Variants in CSGALNACT1 observed in about 807,000 individuals in gnomAD.
CSGALNACT1 encodes beta4GalNAcT-1.
Under a neutral mutation model 51.0 loss-of-function variants are expected in CSGALNACT1, and 52 were observed. That is an observed-to-expected ratio of 1.02 (90% CI 0.82 to 1.29). The LOEUF is 1.29. Ranked by LOEUF, CSGALNACT1 falls within the 50% of genes most tolerant of loss-of-function variation. The pLI, the probability that CSGALNACT1 is intolerant of heterozygous loss-of-function variation, is 0.00. For synonymous variants in CSGALNACT1, 341 were observed against 254.4 expected, an observed-to-expected ratio of 1.34 and a Z score of -3.24; for missense variants, 935 against 679.2, an observed-to-expected ratio of 1.38 and a Z score of -4.19.
In CSGALNACT1 at chr8:19,558,184, T is replaced by A. The variant is rs192293332; in HGVS notation, c.-297+32976A>T. Among the ~76,000 whole-genome samples, 6 of 152,340 alleles carry A rather than the reference T, an allele frequency of 3.9e-5. No individual in the cohort carries two copies. The East Asian group carries it at 9.6e-4, about 24-fold the overall frequency. ...TACCATTTGATGAATGTTTATCATG[T>A]TTACTACAAGTGTTATTAACAGCTC... On this transcript the variant is annotated intron_variant, in intron 3 of 9. Coordinates refer to ENST00000454498, the Ensembl canonical transcript of CSGALNACT1.
chr8:19,498,161 T>C (rs1054473394), intron 4 of CSGALNACT1, among the ~76,000 whole-genome samples: 1 of 152,150 alleles, frequency 6.6e-6, no homozygotes, highest in African/African-American at 2.4e-5. Flanking sequence ...AATTGTGGGT[T>C]CACAATTCAG....
chr8:19,639,327 T>C (rs1437537490), intron 1 of CSGALNACT1, among the ~76,000 whole-genome samples: 1 of 152,164 alleles, frequency 6.6e-6, no homozygotes, highest in Non-Finnish European at 1.5e-5. Flanking sequence ...CATCATGGGG[T>C]CTGGGGGAAA....
chr8:19,648,782 C>A (rs995293348), intron 1 of CSGALNACT1, among the ~76,000 whole-genome samples: 3 of 152,104 alleles, frequency 2.0e-5, no homozygotes, highest in Non-Finnish European at 2.9e-5. Flanking sequence ...CTCCAGCCTG[C>A]GTGACAGAGT....
At chr8:19,652,916 C>T (rs1175635431) in intron 1 of CSGALNACT1, among the ~76,000 whole-genome samples, 1 of 152,038 alleles carries the variant, frequency 6.6e-6, no homozygotes, top group African/African-American at 2.4e-5. Context: ...TGTGGCCTTC[C>T]AGCTTTCCTT....
chr8:19,691,574 C>G (rs2061324696), intron 1 of CSGALNACT1, among the ~76,000 whole-genome samples: 1 of 152,190 alleles, frequency 6.6e-6, no homozygotes, highest in Admixed American at 6.5e-5. Context: ...AGTCCTGCAG[C>G]TCCACAGCCC....
intron 3 of CSGALNACT1, among the ~76,000 whole-genome samples, chr8:19,560,908 A>G (rs1351019218): frequency 6.6e-6 from 1 of 152,242 alleles, no homozygotes; most frequent in African/African-American, 2.4e-5. Context: ...TAAGGTGGAT[A>G]AACACACTCA....
At chr8:19,702,657 C>G (rs1340467250) in intron 1 of CSGALNACT1, among the ~76,000 whole-genome samples, 1 of 152,174 alleles carries the variant, frequency 6.6e-6, no homozygotes, top group Non-Finnish European at 1.5e-5. Context: ...ACCTGGAATG[C>G]TCCATCTCAG....
At chr8:19,713,384 G>T (rs1461277768) in intron 1 of CSGALNACT1, among the ~76,000 whole-genome samples, 3 of 152,190 alleles carry the variant, frequency 2.0e-5, no homozygotes, top group African/African-American at 7.2e-5. Flanking sequence ...GAAGAAAATT[G>T]TATAAAGAGG....
intron 3 of CSGALNACT1, among the ~76,000 whole-genome samples, chr8:19,556,991 A>AG (rs1166374874): frequency 3.3e-5 from 5 of 152,136 alleles, no homozygotes; most frequent in Admixed American, 6.5e-5. Flanking sequence ...CAAAAAAAAA[A>AG]AAAAAAGTCT....
intron 1 of CSGALNACT1, among the ~76,000 whole-genome samples, chr8:19,623,363 T>C (rs2054066515): frequency 6.6e-6 from 1 of 152,186 alleles, no homozygotes; most frequent in Non-Finnish European, 1.5e-5. Flanking sequence ...GGAAAAACAA[T>C]CTGTGAAGAT....
chr8:19,581,449 C>T (rs1283887998), intron 3 of CSGALNACT1, among the ~76,000 whole-genome samples: 3 of 152,164 alleles, frequency 2.0e-5, no homozygotes, highest in Non-Finnish European at 4.4e-5. Context: ...AATTGTGCAA[C>T]ATATTAATTG....
upstream of CSGALNACT1, among the ~76,000 whole-genome samples, chr8:19,684,091 G>C (rs57151575): frequency 0.043 from 6,609 of 152,214 alleles, 492 homozygotes; most frequent in African/African-American, 0.15. Flanking sequence ...GTATGAGCCT[G>C]GGAGGCGGAG....
chr8:19,623,823 A>C (rs2054124432), intron 1 of CSGALNACT1, among the ~76,000 whole-genome samples: 1 of 152,238 alleles, frequency 6.6e-6, no homozygotes, highest in Non-Finnish European at 1.5e-5. Context: ...TCATCTATTC[A>C]CTGAAAGTGG....
chr8:19,436,576 T>G (rs1350272720), intron 6 of CSGALNACT1, among the ~76,000 whole-genome samples: 1 of 152,198 alleles, frequency 6.6e-6, no homozygotes, highest in Non-Finnish European at 1.5e-5. Context: ...AATTTAAAAA[T>G]GTTTAAATAA....
chr8:19,434,409 C>G (rs1349186468), intron 6 of CSGALNACT1, among the ~76,000 whole-genome samples: 1 of 152,148 alleles, frequency 6.6e-6, no homozygotes, highest in Non-Finnish European at 1.5e-5. Context: ...ACCACATTTG[C>G]TTTTTTTCTC....
intron 1 of CSGALNACT1, among the ~76,000 whole-genome samples, chr8:19,734,587 T>C (rs1328472482): frequency 6.6e-6 from 1 of 152,204 alleles, no homozygotes; most frequent in Non-Finnish European, 1.5e-5. Context: ...CCACTAAATT[T>C]AACTTGTCTG....
intron 3 of CSGALNACT1, among the ~76,000 whole-genome samples, chr8:19,514,562 T>C (rs1192805371): frequency 7.0e-6 from 1 of 143,474 alleles, no homozygotes; most frequent in East Asian, 2.0e-4. Flanking sequence ...GGCTCTCGCC[T>C]GTAATCCTAG....
At chr8:19,599,472 A>AAACGAAAGAAAG in intron 2 of CSGALNACT1, among the ~76,000 whole-genome samples, 1 of 113,806 alleles carries the variant, frequency 8.8e-6, no homozygotes, top group East Asian at 2.7e-4. Flanking sequence ...GAAAGAAAGA[A>AAACGAAAGAAAG]AAAGAAAGAA....
chr8:19,522,843 CA>C (rs112368065), intron 3 of CSGALNACT1, among the ~76,000 whole-genome samples: 21 of 151,646 alleles, frequency 1.4e-4, no homozygotes, highest in African/African-American at 4.1e-4. Context: ...TCCCAAGGCT[CA>C]AAAAAAAATT....
Sources: allele counts gnomAD v4.1 joint callset (sites outside exome capture counted in the v4.1 genomes callset), GRCh38; gene constraint gnomAD v4.1.1; transcripts MANE v1.5; gene names NCBI Gene and HGNC (gene_info 2026-07-23, HGNC 2026-07-21).